SLC6A4: variants seen among roughly 807,000 people sequenced by gnomAD.
SLC6A4 encodes the protein sodium-dependent serotonin transporter.
A neutral mutation model predicts 73.4 loss-of-function variants in SLC6A4; 22 were observed. The ratio of observed to expected loss-of-function variants is 0.30; its 90% CI spans 0.21 to 0.43. SLC6A4 has a LOEUF of 0.43. Ranked by LOEUF, SLC6A4 falls within the 20% of genes least tolerant of loss-of-function variation. The probability of loss-of-function intolerance (pLI) is 1.00; values close to 1 mark genes in which losing one functional copy is unlikely to be tolerated. For synonymous variants in SLC6A4, 270 were observed against 315.5 expected, an observed-to-expected ratio of 0.86 and a Z score of 1.53; for missense variants, 593 against 808.5, an observed-to-expected ratio of 0.73 and a Z score of 3.23.
rs1171155787 is a variant in SLC6A4, at chr17:30,221,763, T to C, written c.196A>G (p.Thr66Ala). The C allele has an allele frequency of 6.2e-7, 1 of 1,612,808 alleles. No individual in the cohort carries two copies. Among genetic ancestry groups the C allele is most frequent in the African/African-American group, 1.3e-5 (1 of 74,896 alleles). Residue 66 changes from threonine to alanine, a missense_variant, in exon 3 of 15, where the codon ACC becomes GCC. Coordinates refer to ENST00000650711, the MANE Select transcript of SLC6A4 (RefSeq NM_001045.6). The stretch of plus-strand genomic sequence containing the variant: ...AGCTCAGCCACTAGGGTGGTGGTGG[T>C]CGCTGGGATAGAGTGCCGTGTGTCA... ...GDDTRHSIPA[T>A]TTTLVAELHQ...
intron 1 of SLC6A4, among the ~76,000 whole-genome samples, chr17:30,230,098 G>GAAGAGGAGGAA (rs1555591454): frequency 3.3e-5 from 3 of 89,558 alleles, no homozygotes; most frequent in Non-Finnish European, 6.8e-5. Context: ...AAGAAGAAGA[G>GAAGAGGAGGAA]GAGGAAGAGG....
chr17:30,199,196 G>C (rs1905954001), intron 14 of SLC6A4, among the ~76,000 whole-genome samples: 1 of 152,104 alleles, frequency 6.6e-6, no homozygotes, highest in African/African-American at 2.4e-5. Context: ...AGAAACAGCT[G>C]AGGTACACAG....
rs1487690003 is a variant in SLC6A4, at chr17:30,230,081, G to C, written c.-221+5532C>G. On this transcript the variant is annotated intron_variant, in intron 1 of 14. Coordinates refer to ENST00000650711, the MANE Select transcript of SLC6A4 (RefSeq NM_001045.6). Reference sequence around the variant, plus strand: ...AGAAGAAGAAGAAGAAGAAGAAGAAGAAGAAGAAGAAGAAGAGGAGGAAGA... The same window carrying C: ...AGAAGAAGAAGAAGAAGAAGAAGAACAAGAAGAAGAAGAAGAGGAGGAAGA... 2.4e-5 allele frequency among the ~76,000 whole-genome samples: 3 copies of C among 124,262 alleles called. No homozygotes were observed. The South Asian group carries it at 7.1e-4, about 29-fold the overall frequency. The allele number at this position is 124,262 out of a possible 152,430, so 81.5% of individuals were successfully genotyped here.
chr17:30,220,859 G>A (rs925373181), intron 3 of SLC6A4, among the ~76,000 whole-genome samples: 1 of 152,046 alleles, frequency 6.6e-6, no homozygotes, highest in African/African-American at 2.4e-5. Context: ...TAAATGGAGC[G>A]CTAATGATGC....
chr17:30,227,094 G>A (rs1906953284), intron 1 of SLC6A4, among the ~76,000 whole-genome samples: 1 of 152,190 alleles, frequency 6.6e-6, no homozygotes, highest in East Asian at 1.9e-4. Context: ...CACCACAGTT[G>A]CCCCCAGGCT....
At position 30,198,422 on chromosome 17, in the gene SLC6A4, T is replaced by C. The variant is rs777672769; in HGVS notation, c.*34A>G. 15 of 1,270,634 alleles carry C rather than the reference T, an allele frequency of 1.2e-5. No homozygotes were observed. The highest frequency in any genetic ancestry group is 1.6e-5 in the Non-Finnish European group (14 of 883,586). 78.7% of individuals were successfully genotyped at this position (1,270,634 alleles called of 1,614,324 possible). A position where few individuals can be genotyped will look rare whatever the true frequency, so the allele number is the denominator to read the frequency against. ...GCCTCATCAGAACTGGAGGAGGAGG[T>C]TGTGGAGAAGCCTTTTTCCTCTCGG... On this transcript the variant is annotated 3_prime_UTR_variant, in exon 15 of 15. Coordinates refer to ENST00000650711, the MANE Select transcript of SLC6A4 (RefSeq NM_001045.6).
chr17:30,198,575 T>C (rs1012911365), intron 14 of SLC6A4, 45 bp from the exon 15 acceptor site: 6 of 1,117,250 alleles, frequency 5.4e-6, no homozygotes, highest in Non-Finnish European at 6.7e-6. Context: ...TTGTAATTTT[T>C]AAAACTTGCA....
At chr17:30,198,854 C>A (rs1319422676) in intron 14 of SLC6A4, among the ~76,000 whole-genome samples, 1 of 152,106 alleles carries the variant, frequency 6.6e-6, no homozygotes, top group Non-Finnish European at 1.5e-5. Flanking sequence ...AAAGGGTACC[C>A]TTTTCTCTGG....
intron 1 of SLC6A4, among the ~76,000 whole-genome samples, chr17:30,230,098 G>GAA (rs1555591454): frequency 0.093 from 8,043 of 86,836 alleles, 402 homozygotes; most frequent in Admixed American, 0.1. Context: ...AAGAAGAAGA[G>GAA]GAGGAAGAGG....
chr17:30,209,055 C>T lies in SLC6A4; in HGVS notation c.1549+88G>A, dbSNP rs189114503. On this transcript the variant is annotated intron_variant, in intron 12 of 14. Transcript: ENST00000650711. ...AGGTCACATCTTGTAAACTGCCCCTCACAGCCTTTTTTGGTGAAATCAGCC... is the reference window on the plus strand; with the variant it reads ...AGGTCACATCTTGTAAACTGCCCCTTACAGCCTTTTTTGGTGAAATCAGCC... 6.6e-6 allele frequency: 6 copies of T among 915,070 alleles called. No individual in the cohort carries two copies. The Admixed American group carries it at 1.2e-4, about 18-fold the overall frequency. 56.7% of individuals were successfully genotyped at this position (915,070 alleles called of 1,614,324 possible).
At chr17:30,208,538 C>T (rs1229518741) in intron 12 of SLC6A4, among the ~76,000 whole-genome samples, 1 of 152,054 alleles carries the variant, frequency 6.6e-6, no homozygotes, top group Admixed American at 6.5e-5. Context: ...TGAACTTGGT[C>T]GTCTGAATTG....
At position 30,199,606 on chromosome 17, in the gene SLC6A4, A is replaced by G. The variant is rs556063597; in HGVS notation, c.1819-1076T>C. 1.2e-3 allele frequency among the ~76,000 whole-genome samples: 184 copies of G among 152,302 alleles called. 1 individual carries two copies. The highest frequency in any genetic ancestry group is 2.0e-3 in the Non-Finnish European group (138 of 68,020). Reference sequence around the variant, plus strand: ...AAAGTTCCAGTCCTACAGTTAATGAAATGCACTATAGGGCAAAATGCACAA... The same window carrying G: ...AAAGTTCCAGTCCTACAGTTAATGAGATGCACTATAGGGCAAAATGCACAA... On this transcript the variant is annotated intron_variant, in intron 14 of 14. Coordinates refer to ENST00000650711, the MANE Select transcript of SLC6A4 (RefSeq NM_001045.6).
At position 30,222,914 on chromosome 17, in the gene SLC6A4, A is replaced by G; in HGVS notation, c.-219T>C. On this transcript the variant is annotated splice_region_variant and 5_prime_UTR_variant, in exon 2 of 15. Transcript: ENST00000650711. ...AGCAAGGTCGCCTTGCCTCCAGGAG[A>G]CCTAGGGAGAAGAGTGTGCAGGTTA... The G allele has an allele frequency of 9.2e-7, 1 of 1,083,112 alleles. No homozygotes were observed. Among genetic ancestry groups the G allele is most frequent in the Non-Finnish European group, 1.3e-6 (1 of 788,936 alleles). The allele number at this position is 1,083,112 out of a possible 1,614,324, so 67.1% of individuals were successfully genotyped here. A position where few individuals can be genotyped will look rare whatever the true frequency, so the allele number is the denominator to read the frequency against.
chr17:30,218,256 A>C lies in SLC6A4; in HGVS notation c.560T>G (p.Leu187Arg). Residue 187 changes from leucine (L) to arginine (R), a missense_variant, in exon 5 of 15, where the codon CTC becomes CGC. Leu to Arg is a moderately radical substitution (Grantham distance 102). Transcript: ENST00000650711. ...NTIMAWALYYLISSFTDQLPW... is the reference protein window; with the variant it reads ...NTIMAWALYYRISSFTDQLPW... Reference sequence around the variant, plus strand: ...CAGCTGGTCCGTGAAGGAGGAGATGAGGTAGTATAGCGCCCAGGCCATGAT... The same window carrying C: ...CAGCTGGTCCGTGAAGGAGGAGATGCGGTAGTATAGCGCCCAGGCCATGAT... 6.2e-7 allele frequency: 1 copy of C among 1,614,178 alleles called. No homozygotes were observed. Among genetic ancestry groups the C allele is most frequent in the South Asian group, 1.1e-5 (1 of 91,088 alleles).
rs1215102026 is a variant in SLC6A4 at position 30,217,049 on chromosome 17, A to G, written c.837+117T>C. On this transcript the variant is annotated intron_variant, in intron 6 of 14. Transcript: ENST00000650711. ...GCGGTGAAGAGAGAGAGGGTGCATCATGGAATGTGTTTGGTGTGGAAGGAA... is the reference window on the plus strand; with the variant it reads ...GCGGTGAAGAGAGAGAGGGTGCATCGTGGAATGTGTTTGGTGTGGAAGGAA... 4 of 895,092 alleles carry G rather than the reference A, an allele frequency of 4.5e-6. No homozygotes were observed. In the East Asian group the frequency reaches 1.0e-4, roughly 23 times the overall value. 55.4% of individuals were successfully genotyped at this position (895,092 alleles called of 1,614,324 possible). A position where few individuals can be genotyped will look rare whatever the true frequency, so the allele number is the denominator to read the frequency against.
intron 13 of SLC6A4, among the ~76,000 whole-genome samples, chr17:30,205,742 CAA>C (rs1170023415): frequency 1.3e-5 from 2 of 152,086 alleles, no homozygotes; most frequent in Non-Finnish European, 2.9e-5. Flanking sequence ...GAAAGGAAGT[CAA>C]AGAGGAATTC....
At chr17:30,231,457 G>T in intron 1 of SLC6A4, among the ~76,000 whole-genome samples, 1 of 150,966 alleles carries the variant, frequency 6.6e-6, no homozygotes, top group East Asian at 1.9e-4. Flanking sequence ...GTATGTATCT[G>T]TATGTACATA....
At chr17:30,214,970 C>A (rs1906516679) in intron 8 of SLC6A4, among the ~76,000 whole-genome samples, 1 of 140,192 alleles carries the variant, frequency 7.1e-6, no homozygotes, top group Admixed American at 7.3e-5. Flanking sequence ...TTCCTTCTTT[C>A]TTCTTTCTTT....
chr17:30,217,905 G>A (rs993682591), intron 5 of SLC6A4, among the ~76,000 whole-genome samples: 7 of 152,194 alleles, frequency 4.6e-5, no homozygotes, highest in African/African-American at 1.7e-4. Flanking sequence ...CTGACTTGGC[G>A]CATGAGAAAG....
Sources: allele counts gnomAD v4.1 joint callset (sites outside exome capture counted in the v4.1 genomes callset), GRCh38; gene constraint gnomAD v4.1.1; transcripts MANE v1.5; gene names NCBI Gene and HGNC (gene_info 2026-07-23, HGNC 2026-07-21).